The following PLA2G4D variants were observed in gnomAD, a reference collection of about 807,000 sequenced individuals.
The protein encoded by PLA2G4D is phospholipase A2 group IVD.
PLA2G4D carries 80 observed loss-of-function variants against 94.4 expected under a neutral mutation model. That is an observed-to-expected ratio of 0.85 (90% confidence interval 0.71 to 1.02). PLA2G4D has a LOEUF of 1.02. Among genes scored for constraint, PLA2G4D ranks in the 50% least tolerant of loss-of-function variants. The pLI is 0.00. For missense variants in PLA2G4D, 1,050 were observed against 1,034.7 expected, an observed-to-expected ratio of 1.01 and a Z score of -0.20; for synonymous variants, 438 against 440.9, an observed-to-expected ratio of 0.99 and a Z score of 0.08.
intron 7 of PLA2G4D, 71 bp from the exon 8 acceptor site, chr15:42,083,405 C>A: frequency 1.3e-6 from 2 of 1,543,994 alleles, no homozygotes; most frequent in Admixed American, 1.9e-5. Flanking sequence ...GGGACAGCAG[C>A]ACCACCACCT....
chr15:42,091,895 T>C (rs918570773), intron 1 of PLA2G4D, among the ~76,000 whole-genome samples: 2 of 152,190 alleles, frequency 1.3e-5, no homozygotes, highest in Admixed American at 6.5e-5. Context: ...CCCTGTCCAG[T>C]GGACACGTGA....
At chr15:42,087,064 G>C in intron 3 of PLA2G4D, among the ~76,000 whole-genome samples, 1 of 152,120 alleles carries the variant, frequency 6.6e-6, no homozygotes, top group South Asian at 2.1e-4. Context: ...TTTCATAGCT[G>C]GGCTTCGAGA....
chr15:42,079,345 A>C (rs1889987629), intron 13 of PLA2G4D, among the ~76,000 whole-genome samples, 192 bp downstream of exon 13: 1 of 152,236 alleles, frequency 6.6e-6, no homozygotes, highest in Admixed American at 6.5e-5. Context: ...AGATCCAGAA[A>C]TTTCTGTTTT....
chr15:42,081,368 C>T (rs937473392), intron 11 of PLA2G4D, 111 bp downstream of exon 11: 6 of 1,502,382 alleles, frequency 4.0e-6, no homozygotes, highest in Non-Finnish European at 5.4e-6. Context: ...CATGTCTCCA[C>T]ACACATGCCC....
intron 12 of PLA2G4D, among the ~76,000 whole-genome samples, chr15:42,080,348 G>A (rs1890013927): frequency 6.6e-6 from 1 of 152,126 alleles, no homozygotes; most frequent in South Asian, 2.1e-4. Flanking sequence ...CCTCAAAGTC[G>A]CATTTCAATA....
intron 4 of PLA2G4D, 85 bp downstream of exon 4, chr15:42,086,128 C>G (rs774261058): frequency 2.2e-4 from 319 of 1,424,678 alleles, no homozygotes; most frequent in Admixed American, 5.6e-4. Flanking sequence ...CAGCAGCCTC[C>G]CAACAGGTGG....
rs764558564 is a variant in PLA2G4D at position 42,070,097 on chromosome 15, TG to T, written c.2044-3del. On this transcript the variant is annotated splice_region_variant and splice_polypyrimidine_tract_variant and intron_variant, in intron 18 of 19. Transcript: ENST00000290472. ...GTACAGCTCCGTCTGCTGCAGTGCC[TG>T]GTGGGGAGAAGGTGGCCCGGAGAGA... The T allele has an allele frequency of 6.7e-7, 1 of 1,502,590 alleles. No homozygotes were observed. Among genetic ancestry groups the T allele is most frequent in the Non-Finnish European group, 8.9e-7 (1 of 1,128,776 alleles). 93.1% of individuals were successfully genotyped at this position (1,502,590 alleles called of 1,614,324 possible).
At chr15:42,086,799 C>T (rs1373110479) in intron 3 of PLA2G4D, among the ~76,000 whole-genome samples, 1 of 152,178 alleles carries the variant, frequency 6.6e-6, no homozygotes, top group African/African-American at 2.4e-5. Flanking sequence ...TTGCAGTGAG[C>T]CCAGTTCGCG....
intron 5 of PLA2G4D, 76 bp from the exon 6 acceptor site, chr15:42,085,214 G>A (rs983480354): frequency 6.5e-7 from 1 of 1,547,868 alleles, no homozygotes; most frequent in Non-Finnish European, 8.9e-7. Context: ...GGGTCTCCCT[G>A]GGTGATGCTG....
intron 13 of PLA2G4D, among the ~76,000 whole-genome samples, chr15:42,073,274 C>T (rs1236606431): frequency 6.6e-6 from 1 of 152,190 alleles, no homozygotes; most frequent in East Asian, 1.9e-4. Context: ...GCTGGGATTA[C>T]AGGCGTGAGG....
chr15:42,068,882 A>T lies in PLA2G4D; in HGVS notation c.2290T>A (p.Cys764Ser). The stretch of plus-strand genomic sequence containing the variant: ...GTCATGTTGGACAGGGTGTAGGGGC[A>T]GGTGGCCCCGGTGAGATCCACTTGG... ...GGQVDLTGAT[C>S]PYTLSNMTYK... Residue 764 changes from cysteine (C) to serine (S), a missense_variant, in exon 20 of 20, where the codon TGC becomes AGC. Coordinates refer to ENST00000290472, the MANE Select transcript of PLA2G4D (RefSeq NM_178034.4). 6.2e-7 allele frequency: 1 copy of T among 1,613,282 alleles called. No individual in the cohort carries two copies. The highest frequency in any genetic ancestry group is 1.6e-4 in the Middle Eastern group (1 of 6,062).
chr15:42,094,154 G>C (rs894635315), intron 1 of PLA2G4D, among the ~76,000 whole-genome samples: 2 of 152,114 alleles, frequency 1.3e-5, no homozygotes, highest in African/African-American at 2.4e-5. Context: ...CGATGATGGT[G>C]GGGGAGAGGT....
intron 15 of PLA2G4D, 104 bp from the exon 16 acceptor site, chr15:42,071,655 T>TCCCCCCCCCCC: frequency 3.4e-6 from 4 of 1,178,976 alleles, no homozygotes; most frequent in Non-Finnish European, 4.8e-6. Flanking sequence ...CTACAATGCA[T>TCCCCCCCCCCC]CCCCCCCGCC....
At position 42,084,714 on chromosome 15, in the gene PLA2G4D, C is replaced by T. The variant is rs1303186491; in HGVS notation, c.471+382G>A. 1.3e-5 allele frequency among the ~76,000 whole-genome samples: 2 copies of T among 152,158 alleles called. No individual in the cohort carries two copies. Among genetic ancestry groups the T allele is most frequent in the African/African-American group, 2.4e-5 (1 of 41,436 alleles). On this transcript the variant is annotated intron_variant, in intron 6 of 19. Coordinates refer to ENST00000290472, the MANE Select transcript of PLA2G4D (RefSeq NM_178034.4). The surrounding 1 kb of genome is among the most constrained non-coding windows in gnomAD (Gnocchi z 4.8). The stretch of plus-strand genomic sequence containing the variant: ...CGCCCTGGGAACTCCCTCTGAGCCT[C>T]GGTGACCTCAACGTGAACAACCGGA...
At position 42,079,488 on chromosome 15, in the gene PLA2G4D, G is replaced by T. The variant is rs774502025; in HGVS notation, c.1317+49C>A. 3.3e-6 allele frequency: 5 copies of T among 1,519,908 alleles called. No homozygotes were observed. In the South Asian group the frequency reaches 3.7e-5, roughly 11 times the overall value. 94.2% of individuals were successfully genotyped at this position (1,519,908 alleles called of 1,614,324 possible). On this transcript the variant is annotated intron_variant, in intron 13 of 19. Transcript: ENST00000290472. ...TCAGCCGCTTGGGAGCCCTGCCTTCGCCCCCGCGGTGCACACACGCGTCTC... is the reference window on the plus strand; with the variant it reads ...TCAGCCGCTTGGGAGCCCTGCCTTCTCCCCCGCGGTGCACACACGCGTCTC...
chr15:42,071,272 G>A lies in PLA2G4D; in HGVS notation c.1727C>T (p.Ala576Val). 6.3e-7 allele frequency: 1 copy of A among 1,599,958 alleles called. No individual in the cohort carries two copies. The highest frequency in any genetic ancestry group is 8.5e-7 in the Non-Finnish European group (1 of 1,176,074). ...TTSGTSSRLE[A>V]SWLQPGTALA... ...CGCCGTGCCTGGCTGCAGCCACGAG[G>A]CCTCCAGCCGCGAGGAGGTCCCCGA... The change falls in exon 17 of 20, where the codon GCC becomes GTC. Residue 576 changes from alanine to valine, a missense_variant. By Grantham distance (64) the Ala-to-Val change is moderately conservative (BLOSUM62 0). Transcript: ENST00000290472.
intron 12 of PLA2G4D, 115 bp from the exon 13 acceptor site, chr15:42,079,874 T>G: frequency 1.0e-6 from 1 of 958,644 alleles, no homozygotes; most frequent in Non-Finnish European, 1.5e-6. Context: ...ACCAAGGCTC[T>G]GCCGATCTGG....
intron 9 of PLA2G4D, 58 bp from the exon 10 acceptor site, chr15:42,081,892 G>T: frequency 1.3e-6 from 2 of 1,559,552 alleles, no homozygotes; most frequent in Non-Finnish European, 1.8e-6. Flanking sequence ...CGGCACATGG[G>T]TATCCCTGGG....
chr15:42,077,186 A>G (rs186450161), intron 13 of PLA2G4D, among the ~76,000 whole-genome samples: 31 of 152,332 alleles, frequency 2.0e-4, no homozygotes, highest in African/African-American at 7.0e-4. Flanking sequence ...TACTCAAACT[A>G]TTCCAAAAAA....
Sources: allele counts gnomAD v4.1 joint callset (sites outside exome capture counted in the v4.1 genomes callset), GRCh38; gene constraint gnomAD v4.1.1; non-coding constraint Gnocchi (gnomAD v3.1); transcripts MANE v1.5; gene names NCBI Gene and HGNC (gene_info 2026-07-23, HGNC 2026-07-21).